The following CNTLN variants were observed in gnomAD, a reference collection of about 807,000 sequenced individuals.
CNTLN encodes centlein, also known as centlein, centrosomal protein.
A neutral mutation model predicts 180.0 loss-of-function variants in CNTLN; 212 were observed. That is an observed-to-expected ratio of 1.18 (90% confidence interval 1.05 to 1.32). The LOEUF (loss-of-function observed/expected upper bound fraction) is 1.32, where lower values mean the gene tolerates loss of function less well. Ranked by LOEUF, CNTLN falls within the 40% of genes most tolerant of loss-of-function variation. CNTLN has a pLI of 0.00. For missense variants in CNTLN, 2,095 were observed against 1,610.9 expected (o/e 1.30, Z -5.14); for synonymous variants, 722 against 563.1 (o/e 1.28, Z -3.99).
chr9:17,426,653 T>A (rs1587964063), intron 18 of CNTLN, among the ~76,000 whole-genome samples: 1 of 152,244 alleles, frequency 6.6e-6, no homozygotes, highest in East Asian at 1.9e-4. Context: ...TTTGTATCTT[T>A]AATCATTTTA....
intron 2 of CNTLN, among the ~76,000 whole-genome samples, chr9:17,157,740 C>G (rs1207747765): frequency 6.6e-6 from 1 of 152,106 alleles, no homozygotes; most frequent in African/African-American, 2.4e-5. Context: ...GCATGCCAGA[C>G]ATGTATGTCA....
the CNTLN span, among the ~76,000 whole-genome samples, chr9:17,523,534 G>C: frequency 6.6e-6 from 1 of 152,106 alleles, no homozygotes; most frequent in Non-Finnish European, 1.5e-5. Flanking sequence ...ACCATGCCCA[G>C]CCCATGTATA....
chr9:17,291,146 G>A (rs989028050), intron 6 of CNTLN, among the ~76,000 whole-genome samples: 2 of 152,162 alleles, frequency 1.3e-5, no homozygotes, highest in African/African-American at 4.8e-5. Flanking sequence ...GTTATAATTT[G>A]ATTGCGCTGT....
chr9:17,299,553 G>GT (rs2132809688), intron 7 of CNTLN: 1 of 985,248 alleles, frequency 1.0e-6, no homozygotes, highest in East Asian at 1.1e-4. Flanking sequence ...TGTAACAGTG[G>GT]TTTTCAGTGT....
chr9:17,216,919 C>T (rs1823797815), intron 2 of CNTLN, among the ~76,000 whole-genome samples: 1 of 152,194 alleles, frequency 6.6e-6, no homozygotes, highest in Non-Finnish European at 1.5e-5. Flanking sequence ...CAGGCAGTTC[C>T]ACCCAGGGCA....
At chr9:17,462,064 A>C (rs953232323) in intron 19 of CNTLN, among the ~76,000 whole-genome samples, 1 of 151,836 alleles carries the variant, frequency 6.6e-6, no homozygotes, top group Non-Finnish European at 1.5e-5. Flanking sequence ...TTGAGTATTC[A>C]TGAGGTTTTC....
intron 18 of CNTLN, among the ~76,000 whole-genome samples, chr9:17,456,065 A>G (rs1395403617): frequency 2.0e-5 from 3 of 152,154 alleles, no homozygotes; most frequent in Non-Finnish European, 2.9e-5. Flanking sequence ...TAATGAGATA[A>G]TGAGGGTTTG....
intron 18 of CNTLN, among the ~76,000 whole-genome samples, chr9:17,441,810 C>G (rs1830126291): frequency 6.6e-6 from 1 of 151,990 alleles, no homozygotes; most frequent in Non-Finnish European, 1.5e-5. Flanking sequence ...ATGAGACTCA[C>G]TTTAGTTTTA....
chr9:17,439,645 A>G (rs1024320612), intron 18 of CNTLN, among the ~76,000 whole-genome samples: 4 of 152,238 alleles, frequency 2.6e-5, no homozygotes, highest in African/African-American at 9.6e-5. Flanking sequence ...TAAGAATGAG[A>G]AATTGAATAA....
rs112245063 is a variant in CNTLN, at chr9:17,380,230, G to C, written c.1988-7932G>C. On this transcript the variant is annotated intron_variant, in intron 13 of 25. Coordinates refer to ENST00000380647, the MANE Select transcript of CNTLN (RefSeq NM_017738.4). The stretch of plus-strand genomic sequence containing the variant: ...AAGTTTCTTGCCATGTGATAGACCT[G>C]AGGCATTGGGGGAGGGTATGGGAGG... Among the ~76,000 whole-genome samples the C allele has an allele frequency of 2.4e-3, 368 of 152,308 alleles. 3 individuals are homozygous for C. Among genetic ancestry groups the C allele is most frequent in the African/African-American group, 8.5e-3 (352 of 41,580 alleles).
At chr9:17,419,255 A>T (rs1828510771) in intron 18 of CNTLN, among the ~76,000 whole-genome samples, 1 of 152,166 alleles carries the variant, frequency 6.6e-6, no homozygotes, top group South Asian at 2.1e-4. Context: ...GGTACTGTAA[A>T]TATCATTGTA....
At chr9:17,494,208 C>G (rs935288416) in intron 25 of CNTLN, among the ~76,000 whole-genome samples, 2 of 152,140 alleles carry the variant, frequency 1.3e-5, no homozygotes, top group African/African-American at 4.8e-5. Context: ...AAAAGCATAT[C>G]TGTTTGCTAG....
intron 5 of CNTLN, among the ~76,000 whole-genome samples, chr9:17,238,419 T>TTC (rs1408827058): frequency 6.6e-6 from 1 of 152,178 alleles, no homozygotes; most frequent in African/African-American, 2.4e-5. Flanking sequence ...TCTCCCAGCT[T>TTC]TCTCCCATGA....
At chr9:17,504,462 A>G (rs1423306262), downstream of CNTLN, among the ~76,000 whole-genome samples, 1 of 152,218 alleles carries the variant, frequency 6.6e-6, no homozygotes, top group Non-Finnish European at 1.5e-5. Context: ...AAAAGAAAAT[A>G]TGGTAGACTG....
In CNTLN at chr9:17,394,604, A is replaced by C. The variant is rs570423982; in HGVS notation, c.2150A>C (p.Lys717Thr). Residue 717 changes from lysine (K) to threonine (T), a missense_variant, in exon 15 of 26, where the codon AAA (lysine) becomes ACA (threonine). Lys to Thr is a moderately conservative substitution (Grantham distance 78). Transcript: ENST00000380647. The stretch of plus-strand genomic sequence containing the variant: ...AGAAAATTAAAAGAAGGGAATAAAA[A>C]ATTAATGAAAGAAAATGATTTTCTG... ...RSRKLKEGNK[K>T]LMKENDFLKS... 1 of 1,596,914 alleles carries C rather than the reference A, an allele frequency of 6.3e-7. No individual in the cohort carries two copies. Among genetic ancestry groups the C allele is most frequent in the Admixed American group, 1.8e-5 (1 of 55,804 alleles).
chr9:17,469,881 G>C (rs1396815382), intron 23 of CNTLN, among the ~76,000 whole-genome samples: 3 of 151,880 alleles, frequency 2.0e-5, no homozygotes, highest in Admixed American at 6.6e-5. Context: ...GATTCCTTGT[G>C]CCTCAGTTTC....
chr9:17,224,445 T>C (rs980541804), intron 2 of CNTLN, among the ~76,000 whole-genome samples: 2 of 152,066 alleles, frequency 1.3e-5, no homozygotes, highest in African/African-American at 4.8e-5. Context: ...TCCTGAAATA[T>C]TGCTTTATTT....
chr9:17,135,082 C>T lies in CNTLN; in HGVS notation c.17C>T (p.Pro6Leu), dbSNP rs1243134821. The stretch of plus-strand genomic sequence containing the variant: ...GCCGCAGCCATGGCGGCGCGTTCGC[C>T]TCCCTCACCGCACCCTTCGCCCCCA... MAARS[P>L]PSPHPSPPAR... The change falls in exon 1 of 26, where the codon CCT (proline) becomes CTT (leucine). Residue 6 changes from proline (P) to leucine (L), a missense_variant. Coordinates refer to ENST00000380647, the MANE Select transcript of CNTLN (RefSeq NM_017738.4). 3 of 1,600,312 alleles carry T rather than the reference C, an allele frequency of 1.9e-6. No individual in the cohort carries two copies. The highest frequency in any genetic ancestry group is 2.2e-5 in the East Asian group (1 of 44,592).
At chr9:17,236,716 A>C in intron 5 of CNTLN, 128 bp downstream of exon 5, 1 of 667,512 alleles carries the variant, frequency 1.5e-6, no homozygotes, top group African/African-American at 1.9e-5. Context: ...ATTAATTTAT[A>C]TTCTTTCACT....
Sources: allele counts gnomAD v4.1 joint callset (sites outside exome capture counted in the v4.1 genomes callset), GRCh38; gene constraint gnomAD v4.1.1; transcripts MANE v1.5; gene names NCBI Gene and HGNC (gene_info 2026-07-23, HGNC 2026-07-21).